LINGO1: variants seen among roughly 807,000 people sequenced by gnomAD.
LINGO1 encodes the protein leucine-rich repeat and immunoglobulin-like domain-containing nogo receptor-interacting protein 1.
In LINGO1, 11 loss-of-function variants were observed where a neutral mutation model predicts 37.3. The observed-to-expected ratio is 0.29, with a 90% confidence interval of 0.19 to 0.49. The LOEUF is 0.49. Among genes scored for constraint, LINGO1 ranks in the 20% least tolerant of loss-of-function variants. The probability of loss-of-function intolerance (pLI) is 0.99; values close to 1 mark genes in which losing one functional copy is unlikely to be tolerated. For synonymous variants in LINGO1, 387 were observed against 403.0 expected (o/e 0.96, Z 0.48); for missense variants, 585 against 878.2 (o/e 0.67, Z 4.22).
At chr15:77,693,091 C>T (rs984170825) in intron 1 of LINGO1, among the ~76,000 whole-genome samples, 3 of 152,218 alleles carry the variant, frequency 2.0e-5, no homozygotes, top group Non-Finnish European at 2.9e-5. Flanking sequence ...CACACACACG[C>T]ACACACACAA....
intron 1 of LINGO1, among the ~76,000 whole-genome samples, chr15:77,807,026 G>A (rs577777271): frequency 1.3e-5 from 2 of 152,234 alleles, no homozygotes; most frequent in Admixed American, 1.3e-4. Flanking sequence ...GGCAGCCTCG[G>A]CTCCAGCCAC....
At chr15:77,653,092 T>C (rs1205458795) in intron 3 of LINGO1, among the ~76,000 whole-genome samples, 1 of 152,166 alleles carries the variant, frequency 6.6e-6, no homozygotes, top group Non-Finnish European at 1.5e-5. Flanking sequence ...GGCCAACCCC[T>C]TAATTGGGGG....
At chr15:77,626,682 A>G (rs1348540753) in intron 1 of LINGO1, among the ~76,000 whole-genome samples, 3 of 152,226 alleles carry the variant, frequency 2.0e-5, no homozygotes, top group Non-Finnish European at 2.9e-5. Context: ...CTGCAGGCCC[A>G]GAGAGGGGAG....
intron 2 of LINGO1, among the ~76,000 whole-genome samples, chr15:77,728,407 T>C (rs535236593): frequency 6.6e-6 from 1 of 152,372 alleles, no homozygotes; most frequent in Non-Finnish European, 1.5e-5. Context: ...TCGTCTCGGC[T>C]GCTGAGGGCT....
chr15:77,715,884 C>T (rs891445176), intron 2 of LINGO1, among the ~76,000 whole-genome samples: 1 of 152,250 alleles, frequency 6.6e-6, no homozygotes, highest in African/African-American at 2.4e-5. Context: ...CTGGGCTCCT[C>T]TCCACTGGCA....
At chr15:77,695,743 G>T (rs1319348971) in intron 1 of LINGO1, among the ~76,000 whole-genome samples, 1 of 152,214 alleles carries the variant, frequency 6.6e-6, no homozygotes, top group Non-Finnish European at 1.5e-5. Context: ...TGCCCACCAT[G>T]CCGGCCGATC....
intron 1 of LINGO1, among the ~76,000 whole-genome samples, chr15:77,772,171 CACCTGGCTTATCTA>C (rs1206465171): frequency 6.6e-6 from 1 of 152,220 alleles, no homozygotes; most frequent in Non-Finnish European, 1.5e-5. Context: ...TGGTAGACTC[CACCTGGCTTATCTA>C]ACCTGAGCTT....
At chr15:77,729,027 T>C (rs2076130005) in intron 2 of LINGO1, among the ~76,000 whole-genome samples, 1 of 152,230 alleles carries the variant, frequency 6.6e-6, no homozygotes, top group Non-Finnish European at 1.5e-5. Context: ...ACCCACTCTC[T>C]GCGATGACTG....
At chr15:77,784,437 C>T (rs1488623149) in intron 1 of LINGO1, among the ~76,000 whole-genome samples, 2 of 152,254 alleles carry the variant, frequency 1.3e-5, no homozygotes, top group East Asian at 3.8e-4. Context: ...GATGAGGGAT[C>T]GTGCTGCAGG....
intron 1 of LINGO1, among the ~76,000 whole-genome samples, chr15:77,780,825 C>T (rs1008996694): frequency 3.5e-5 from 5 of 144,130 alleles, no homozygotes; most frequent in Non-Finnish European, 7.4e-5. Flanking sequence ...ATAGGCAAGC[C>T]AGGAAGAGAG....
intron 1 of LINGO1, among the ~76,000 whole-genome samples, chr15:77,808,217 G>C (rs1489554682): frequency 1.3e-5 from 2 of 152,162 alleles, no homozygotes; most frequent in Non-Finnish European, 2.9e-5. Context: ...GCTGGCACTG[G>C]AGGCCTGCAC....
At chr15:77,782,897 C>T (rs985994670) in intron 1 of LINGO1, among the ~76,000 whole-genome samples, 3 of 152,100 alleles carry the variant, frequency 2.0e-5, no homozygotes, top group African/African-American at 7.2e-5. Context: ...GGCTTAATCC[C>T]CTCCAGAGCA....
At chr15:77,625,282 T>C (rs900350966) in intron 1 of LINGO1, among the ~76,000 whole-genome samples, 2 of 152,214 alleles carry the variant, frequency 1.3e-5, no homozygotes, top group African/African-American at 4.8e-5. Flanking sequence ...GAATGATGAT[T>C]GGTAAACCCC....
rs1461851046 is a variant in LINGO1 at position 77,652,530 on chromosome 15, G to GTGTGTGTGTT, written c.-13+24558_-13+24559insAACACACACA. Among the ~76,000 whole-genome samples the GTGTGTGTGTT allele has an allele frequency of 7.4e-3, 1,067 of 144,806 alleles. 30 individuals are homozygous for GTGTGTGTGTT. The highest frequency in any genetic ancestry group is 0.026 in the African/African-American group (951 of 36,932). The allele number at this position is 144,806 out of a possible 152,430, so 95.0% of individuals were successfully genotyped here. On this transcript the variant is annotated intron_variant, in intron 3 of 3. Transcript: ENST00000559893. ...TGTGTGTGTGTGTGTGTGTGTGTGT[G>GTGTGTGTGTT]TTGCCAGAATACGGAAATCACATTT...
At chr15:77,783,079 C>T (rs2076736588) in intron 1 of LINGO1, among the ~76,000 whole-genome samples, 1 of 152,200 alleles carries the variant, frequency 6.6e-6, no homozygotes, top group South Asian at 2.1e-4. Flanking sequence ...GCCTCAAAGT[C>T]ACCTCTTCAG....
At chr15:77,786,133 G>A (rs778363350) in intron 1 of LINGO1, among the ~76,000 whole-genome samples, 3 of 152,142 alleles carry the variant, frequency 2.0e-5, no homozygotes, top group Admixed American at 6.5e-5. Flanking sequence ...AAACAGTGCC[G>A]TTAAGACACA....
At chr15:77,683,622 C>A (rs1379460402) in intron 2 of LINGO1, among the ~76,000 whole-genome samples, 1 of 152,054 alleles carries the variant, frequency 6.6e-6, no homozygotes, top group Non-Finnish European at 1.5e-5. Context: ...GGGTAATGTG[C>A]ATAATATGAT....
chr15:77,733,376 G>A (rs2076171823), intron 2 of LINGO1, among the ~76,000 whole-genome samples: 1 of 152,114 alleles, frequency 6.6e-6, no homozygotes, highest in South Asian at 2.1e-4. Context: ...AATCTTGCTG[G>A]CTGTGGCTGC....
intron 1 of LINGO1, among the ~76,000 whole-genome samples, chr15:77,767,910 A>G (rs2076545380): frequency 6.6e-6 from 1 of 152,224 alleles, no homozygotes; most frequent in Non-Finnish European, 1.5e-5. Context: ...TTAATGCCTG[A>G]AAAAGGAAAA....
Sources: gnomAD v4.1 joint callset for allele counts (sites outside exome capture counted in the v4.1 genomes callset) on GRCh38, gnomAD v4.1.1 for gene constraint, MANE v1.5 for transcripts, NCBI Gene and HGNC (gene_info 2026-07-23, HGNC 2026-07-21) for gene names.